Variants in KCNH7 observed in about 807,000 individuals in gnomAD.
The protein encoded by KCNH7 is voltage-gated inwardly rectifying potassium channel KCNH7.
KCNH7 carries 49 observed loss-of-function variants against 120.8 expected under a neutral mutation model. That is an observed-to-expected ratio of 0.41 (90% confidence interval 0.32 to 0.51). The LOEUF is 0.51. Ranked by LOEUF, KCNH7 falls within the 20% of genes least tolerant of loss-of-function variation. The probability of loss-of-function intolerance (pLI) is 0.38; values close to 1 mark genes in which losing one functional copy is unlikely to be tolerated. For synonymous variants in KCNH7, 547 were observed against 516.1 expected (o/e 1.06, Z -0.81); for missense variants, 1,097 against 1,446.6 (o/e 0.76, Z 3.92).
chr2:162,520,086 C>T (rs535601324), intron 3 of KCNH7, among the ~76,000 whole-genome samples: 1 of 150,788 alleles, frequency 6.6e-6, no homozygotes, highest in East Asian at 2.0e-4. Flanking sequence ...TCATCAACAT[C>T]TCCACTTGAA....
rs1488216071 is a variant in KCNH7, at chr2:162,838,674, G to C, written c.-156C>G. 1.9e-5 allele frequency: 11 copies of C among 569,666 alleles called. No homozygotes were observed. Among genetic ancestry groups the C allele is most frequent in the Non-Finnish European group, 3.4e-5 (11 of 323,512 alleles). The allele number at this position is 569,666 out of a possible 1,614,324, so 35.3% of individuals were successfully genotyped here. On this transcript the variant is annotated 5_prime_UTR_variant, in exon 1 of 16. Coordinates refer to ENST00000332142, the MANE Select transcript of KCNH7 (RefSeq NM_033272.4). ...TCTCTTCCCATTAGCACCACTTCTAGACACCCGCTTTCCCCACCGGAGTCC... is the reference window on the plus strand; with the variant it reads ...TCTCTTCCCATTAGCACCACTTCTACACACCCGCTTTCCCCACCGGAGTCC...
intron 2 of KCNH7, among the ~76,000 whole-genome samples, chr2:162,762,510 A>T (rs1007363800): frequency 2.6e-5 from 4 of 152,042 alleles, no homozygotes; most frequent in African/African-American, 9.7e-5. Flanking sequence ...TGTGAAATTG[A>T]TAAAGACCAC....
chr2:162,713,545 A>C (rs1025472040), intron 2 of KCNH7, among the ~76,000 whole-genome samples: 85 of 152,308 alleles, frequency 5.6e-4, no homozygotes, highest in African/African-American at 1.7e-3. Context: ...TATATTGATA[A>C]CTGAAAGTAG....
intron 2 of KCNH7, among the ~76,000 whole-genome samples, chr2:162,701,479 A>C (rs184284503): frequency 6.6e-6 from 1 of 152,258 alleles, no homozygotes; most frequent in Non-Finnish European, 1.5e-5. Flanking sequence ...CTCTCCTTTG[A>C]AAATAATTTT....
intron 2 of KCNH7, among the ~76,000 whole-genome samples, chr2:162,765,582 G>C (rs1682769209): frequency 6.6e-6 from 1 of 152,048 alleles, no homozygotes; most frequent in Non-Finnish European, 1.5e-5. Flanking sequence ...GTTTGTAAAA[G>C]ATAACAAAAA....
intron 2 of KCNH7, among the ~76,000 whole-genome samples, chr2:162,829,551 TGG>T (rs1685399240): frequency 6.6e-6 from 1 of 152,122 alleles, no homozygotes; most frequent in Non-Finnish European, 1.5e-5. Flanking sequence ...TTGGAGACAC[TGG>T]TAAGTCATTG....
At chr2:162,428,652 T>C (rs1383974278) in intron 8 of KCNH7, among the ~76,000 whole-genome samples, 3 of 152,070 alleles carry the variant, frequency 2.0e-5, no homozygotes, top group African/African-American at 7.2e-5. Context: ...TATGAATTTG[T>C]CTTGTGAATT....
At chr2:162,682,184 ATTC>A (rs1685734299) in intron 2 of KCNH7, among the ~76,000 whole-genome samples, 1 of 151,674 alleles carries the variant, frequency 6.6e-6, no homozygotes, top group Non-Finnish European at 1.5e-5. Context: ...TTTCCCTCCA[ATTC>A]AAAATTCATC....
intron 11 of KCNH7, among the ~76,000 whole-genome samples, chr2:162,394,978 T>A (rs912011554): frequency 1.3e-5 from 2 of 151,872 alleles, no homozygotes; most frequent in African/African-American, 4.8e-5. Context: ...GAGATGATGA[T>A]CTTTATGATA....
At chr2:162,621,777 A>C (rs113964510) in intron 2 of KCNH7, among the ~76,000 whole-genome samples, 50 of 152,288 alleles carry the variant, frequency 3.3e-4, no homozygotes, top group African/African-American at 1.1e-3. Flanking sequence ...ATTGTTCACT[A>C]TACAAAGTAA....
intron 2 of KCNH7, among the ~76,000 whole-genome samples, chr2:162,620,869 T>C (rs572308019): frequency 6.6e-6 from 1 of 152,146 alleles, no homozygotes; most frequent in Non-Finnish European, 1.5e-5. Flanking sequence ...AAATCTCTAA[T>C]ACCTAGCATA....
chr2:162,673,733 G>A (rs1244395323), intron 2 of KCNH7, among the ~76,000 whole-genome samples: 1 of 151,852 alleles, frequency 6.6e-6, no homozygotes, highest in Non-Finnish European at 1.5e-5. Context: ...TGTTTTTGTT[G>A]GAAGCCACCA....
intron 9 of KCNH7, among the ~76,000 whole-genome samples, chr2:162,422,434 G>T (rs184040635): frequency 1.3e-5 from 2 of 152,068 alleles, no homozygotes; most frequent in Admixed American, 1.3e-4. Context: ...TAGAAACAGG[G>T]TCCTTGCCCA....
intron 2 of KCNH7, among the ~76,000 whole-genome samples, chr2:162,780,521 G>T (rs748604986): frequency 1.3e-5 from 2 of 152,132 alleles, no homozygotes; most frequent in Non-Finnish European, 2.9e-5. Context: ...AAGGGTAGGG[G>T]CAGAAAATAT....
intron 2 of KCNH7, among the ~76,000 whole-genome samples, chr2:162,706,807 T>C (rs1686719969): frequency 6.6e-6 from 1 of 152,130 alleles, no homozygotes; most frequent in South Asian, 2.1e-4. Flanking sequence ...ATAATAATGT[T>C]AAAATTGCCT....
intron 13 of KCNH7, 61 bp from the exon 14 acceptor site, chr2:162,380,082 A>C (rs143092812): frequency 6.4e-7 from 1 of 1,557,388 alleles, no homozygotes; most frequent in Non-Finnish European, 8.8e-7. Flanking sequence ...TCAATAATTC[A>C]TAGATATCCA....
chr2:162,462,143 G>C (rs1558958116), intron 6 of KCNH7, among the ~76,000 whole-genome samples: 1 of 151,996 alleles, frequency 6.6e-6, no homozygotes, highest in East Asian at 1.9e-4. Context: ...ATCTTACTAT[G>C]TTTGCACCAT....
At chr2:162,785,553 A>ATTT (rs35254894) in intron 2 of KCNH7, among the ~76,000 whole-genome samples, 25 of 151,156 alleles carry the variant, frequency 1.7e-4, no homozygotes, top group Middle Eastern at 3.5e-3. Flanking sequence ...TCTTCACTGT[A>ATTT]TTTTTTTTTT....
chr2:162,708,860 T>C (rs1278399453), intron 2 of KCNH7, among the ~76,000 whole-genome samples: 2 of 152,080 alleles, frequency 1.3e-5, no homozygotes, highest in African/African-American at 4.8e-5. Flanking sequence ...ATGACACAGC[T>C]ATGATGTAGA....
Sources: allele counts gnomAD v4.1 joint callset (sites outside exome capture counted in the v4.1 genomes callset), GRCh38; gene constraint gnomAD v4.1.1; transcripts MANE v1.5; gene names NCBI Gene and HGNC (gene_info 2026-07-23, HGNC 2026-07-21).